ITSN2: variants seen among roughly 807,000 people sequenced by gnomAD.
The protein encoded by ITSN2 is intersectin 2.
Under a neutral mutation model 243.7 loss-of-function variants are expected in ITSN2, and 156 were observed. That is an observed-to-expected ratio of 0.64 (90% CI 0.56 to 0.73). The LOEUF (loss-of-function observed/expected upper bound fraction) is 0.73, where lower values mean the gene tolerates loss of function less well. Among genes scored for constraint, ITSN2 ranks in the 30% least tolerant of loss-of-function variants. ITSN2 has a pLI of 0.00. For missense variants in ITSN2, 1,801 were observed against 1,996.1 expected (o/e 0.90, Z 1.86); for synonymous variants, 703 against 699.9 (o/e 1.00, Z -0.07).
chr2:24,313,357 T>A, intron 4 of ITSN2, 103 bp downstream of exon 4: 1 of 887,338 alleles, frequency 1.1e-6, no homozygotes, highest in Admixed American at 2.5e-5. Flanking sequence ...GAAATATTCT[T>A]AATAACCAAT....
chr2:24,207,878 T>TC (rs768168003), intron 37 of ITSN2, among the ~76,000 whole-genome samples: 2 of 151,376 alleles, frequency 1.3e-5, no homozygotes, highest in African/African-American at 2.4e-5. Context: ...CAGTGGCTGC[T>TC]CAGGAGCTGA....
At position 24,220,543 on chromosome 2, in the gene ITSN2, G is replaced by C. The variant is rs146937322; in HGVS notation, c.3699+402C>G. 3.9e-3 allele frequency: 4,018 copies of C among 1,023,660 alleles called. 11 individuals carry two copies. Among genetic ancestry groups the C allele is most frequent in the Middle Eastern group, 0.019 (41 of 2,132 alleles). 63.4% of individuals were successfully genotyped at this position (1,023,660 alleles called of 1,614,324 possible). On this transcript the variant is annotated intron_variant, in intron 30 of 39. Transcript: ENST00000355123. ...TTTCACAGTTCCTCCAGAGATACCA[G>C]TTTATGAAAATGTCAGATGTTAAAA...
intron 11 of ITSN2, 57 bp downstream of exon 11, chr2:24,301,097 A>T: frequency 1.1e-6 from 1 of 916,672 alleles, no homozygotes; most frequent in Non-Finnish European, 1.7e-6. Context: ...CATTACATTT[A>T]AAGGTAGAAT....
At chr2:24,246,664 G>T in intron 28 of ITSN2, 133 bp downstream of exon 28, 1 of 625,962 alleles carries the variant, frequency 1.6e-6, no homozygotes, top group South Asian at 2.1e-5. Flanking sequence ...AATTCTCAGT[G>T]GCATGTCCCT....
chr2:24,223,619 A>G (rs1670683226), intron 29 of ITSN2, among the ~76,000 whole-genome samples: 1 of 151,018 alleles, frequency 6.6e-6, no homozygotes, highest in South Asian at 2.1e-4. Flanking sequence ...CTGAGAGTTC[A>G]AGTTTGCAGT....
chr2:24,266,767 CAAA>C (rs1277915920), intron 20 of ITSN2, among the ~76,000 whole-genome samples: 2 of 75,504 alleles, frequency 2.6e-5, no homozygotes, highest in Admixed American at 1.3e-4. Context: ...TCCATCTCCA[CAAA>C]AAAAAAAAAA....
chr2:24,212,833 ATTTCT>A (rs1558431882), intron 32 of ITSN2, 85 bp from the exon 33 acceptor site: 4 of 1,060,464 alleles, frequency 3.8e-6, no homozygotes, highest in Non-Finnish European at 5.8e-6. Flanking sequence ...TAGATTTCAC[ATTTCT>A]TTTATTTATT....
intron 32 of ITSN2, among the ~76,000 whole-genome samples, chr2:24,212,960 C>T (rs569106961): frequency 5.3e-5 from 8 of 152,238 alleles, no homozygotes; most frequent in Admixed American, 3.3e-4. Flanking sequence ...AATTTTGCTA[C>T]ACTGATATGT....
Position 24,310,750 on chromosome 2 carries a change from C to A in ITSN2, c.353-58G>T. ...TAGAAAATCAATTATAAAACACATGCAAAAAACAAGTTTACAGTACAGTGG... is the reference window on the plus strand; with the variant it reads ...TAGAAAATCAATTATAAAACACATGAAAAAAACAAGTTTACAGTACAGTGG... On this transcript the variant is annotated intron_variant, in intron 5 of 39. Coordinates refer to ENST00000355123, the MANE Select transcript of ITSN2 (RefSeq NM_006277.3). The A allele has an allele frequency of 1.5e-5, 21 of 1,433,650 alleles. No homozygotes were observed. In the Admixed American group the frequency reaches 2.2e-4, roughly 15 times the overall value. The allele number at this position is 1,433,650 out of a possible 1,614,324, so 88.8% of individuals were successfully genotyped here.
At chr2:24,298,208 A>G (rs892375414) in intron 13 of ITSN2, among the ~76,000 whole-genome samples, 2 of 152,080 alleles carry the variant, frequency 1.3e-5, no homozygotes, top group African/African-American at 2.4e-5. Flanking sequence ...CCCAGGCTCG[A>G]GTGCAGTGGC....
At chr2:24,206,629 T>C (rs1668916454) in intron 37 of ITSN2, among the ~76,000 whole-genome samples, 1 of 152,080 alleles carries the variant, frequency 6.6e-6, no homozygotes, top group Admixed American at 6.5e-5. Flanking sequence ...AGGTGAGTGA[T>C]CTGTGCCATG....
At chr2:24,287,072 C>T (rs1318830481) in intron 15 of ITSN2, among the ~76,000 whole-genome samples, 1 of 151,998 alleles carries the variant, frequency 6.6e-6, no homozygotes, top group Non-Finnish European at 1.5e-5. Context: ...AAAATTAAAA[C>T]ACCTCCATTT....
chr2:24,217,801 G>T, intron 31 of ITSN2, 106 bp downstream of exon 31: 1 of 618,160 alleles, frequency 1.6e-6, no homozygotes, highest in East Asian at 2.6e-5. Context: ...GAAGCAGAAA[G>T]CAGTTGAAGT....
intron 1 of ITSN2, among the ~76,000 whole-genome samples, chr2:24,348,486 G>A (rs1460525282): frequency 1.3e-5 from 2 of 152,058 alleles, no homozygotes; most frequent in Admixed American, 6.6e-5. Flanking sequence ...CACAGCACCC[G>A]GCAGCCCTTG....
chr2:24,247,918 A>G (rs1310721700), intron 27 of ITSN2, among the ~76,000 whole-genome samples: 1 of 152,108 alleles, frequency 6.6e-6, no homozygotes, highest in Non-Finnish European at 1.5e-5. Context: ...GAAGGTATTA[A>G]ATTTGAACCC....
chr2:24,251,830 G>A (rs1242836796), intron 25 of ITSN2, among the ~76,000 whole-genome samples: 1 of 151,686 alleles, frequency 6.6e-6, no homozygotes, highest in Non-Finnish European at 1.5e-5. Context: ...AATATCATTA[G>A]CTATACTGAA....
intron 29 of ITSN2, among the ~76,000 whole-genome samples, chr2:24,237,603 C>A (rs764950430): frequency 1.3e-5 from 2 of 152,216 alleles, no homozygotes; most frequent in Non-Finnish European, 2.9e-5. Context: ...CTTCCCCCAA[C>A]TCTAATTCTT....
intron 32 of ITSN2, among the ~76,000 whole-genome samples, chr2:24,215,197 A>G (rs1406121567): frequency 2.0e-5 from 3 of 152,172 alleles, no homozygotes; most frequent in African/African-American, 7.2e-5. Flanking sequence ...CAGTTTCTGG[A>G]AGCTTTGATG....
intron 1 of ITSN2, among the ~76,000 whole-genome samples, chr2:24,357,129 T>TA (rs2151958358): frequency 6.6e-6 from 1 of 152,318 alleles, no homozygotes; most frequent in South Asian, 2.1e-4. Context: ...TTAATGGGTA[T>TA]ATACCCAAAG....
Sources: allele counts gnomAD v4.1 joint callset (sites outside exome capture counted in the v4.1 genomes callset), GRCh38; gene constraint gnomAD v4.1.1; transcripts MANE v1.5; gene names NCBI Gene and HGNC (gene_info 2026-07-23, HGNC 2026-07-21).